Variants in NAPA observed in about 807,000 individuals in gnomAD.
NAPA encodes NSF attachment protein alpha.
A neutral mutation model predicts 48.0 loss-of-function variants in NAPA; 18 were observed. The ratio of observed to expected loss-of-function variants is 0.38; its 90% CI spans 0.26 to 0.56. The LOEUF is 0.56. Among genes scored for constraint, NAPA ranks in the 20% least tolerant of loss-of-function variants. The pLI is 0.77. For missense variants in NAPA, 315 were observed against 385.0 expected (o/e 0.82, Z 1.52); for synonymous variants, 152 against 149.9 (o/e 1.01, Z -0.10).
intron 8 of NAPA, 120 bp downstream of exon 8, chr19:47,491,895 G>A (rs1968275841): frequency 2.4e-6 from 2 of 849,790 alleles, no homozygotes; most frequent in East Asian, 5.1e-5. Context: ...TCCAAAGGCT[G>A]GCTGGCAGGG....
At chr19:47,484,979 C>T (rs538744559), downstream of NAPA, among the ~76,000 whole-genome samples, 108 of 152,252 alleles carry the variant, frequency 7.1e-4, no homozygotes, top group African/African-American at 2.4e-3. Flanking sequence ...GGATTATAGG[C>T]GTGAGCCCCC....
chr19:47,486,219 G>A (rs1427042492), downstream of NAPA, among the ~76,000 whole-genome samples: 2 of 152,126 alleles, frequency 1.3e-5, no homozygotes, highest in East Asian at 3.9e-4. Context: ...GCTGGGCGTG[G>A]TGGCGCACGC....
chr19:47,504,238 A>T (rs1352779159), intron 1 of NAPA, among the ~76,000 whole-genome samples: 1 of 151,990 alleles, frequency 6.6e-6, no homozygotes, highest in East Asian at 1.9e-4. Flanking sequence ...TACAAAAAAT[A>T]CAAAAAATTA....
intron 9 of NAPA, 60 bp downstream of exon 9, chr19:47,490,728 A>T: frequency 6.8e-7 from 1 of 1,466,066 alleles, no homozygotes. Context: ...TCCCACCTGG[A>T]GCCCCAGCCA....
At chr19:47,507,343 C>T (rs1968712343) in intron 1 of NAPA, among the ~76,000 whole-genome samples, 1 of 152,214 alleles carries the variant, frequency 6.6e-6, no homozygotes, top group South Asian at 2.1e-4. Context: ...TACACAGATG[C>T]CTGATGGGAC....
intron 3 of NAPA, chr19:47,495,841 G>C (rs902664108): frequency 3.7e-6 from 2 of 535,100 alleles, no homozygotes; most frequent in Admixed American, 3.1e-5. Context: ...ATGCTTCTGG[G>C]GGAGCCCTTC....
intron 3 of NAPA, chr19:47,495,890 C>A: frequency 2.3e-6 from 1 of 434,422 alleles, no homozygotes; most frequent in South Asian, 2.1e-5. Context: ...CTTCCCACAA[C>A]CCCAGGGACA....
chr19:47,505,533 C>T, intron 1 of NAPA: 1 of 152,232 alleles, frequency 6.6e-6, no homozygotes, highest in East Asian at 1.9e-4. Flanking sequence ...TCAGTAGGGT[C>T]TGGATGGGGC....
intron 8 of NAPA, 68 bp from the exon 9 acceptor site, chr19:47,490,924 C>CT: frequency 5.7e-6 from 8 of 1,412,948 alleles, no homozygotes; most frequent in Non-Finnish European, 7.9e-6. Flanking sequence ...GGCCTAGCAG[C>CT]TGAGGGGACT....
intron 2 of NAPA, among the ~76,000 whole-genome samples, chr19:47,502,017 C>A (rs550994442): frequency 2.0e-5 from 3 of 151,630 alleles, no homozygotes; most frequent in Admixed American, 2.0e-4. Flanking sequence ...CCGAGGTGGG[C>A]GGATCACGAG....
intron 8 of NAPA, 99 bp from the exon 9 acceptor site, chr19:47,490,955 G>T: frequency 1.9e-6 from 2 of 1,040,640 alleles, no homozygotes; most frequent in Non-Finnish European, 2.9e-6. Flanking sequence ...GGGTGATATT[G>T]AGTCAGCTCT....
chr19:47,490,174 G>C lies in NAPA; in HGVS notation c.736-413C>G, dbSNP rs556478654. ...TTCGGTGTGTGTGTGGGGTGTGTGT[G>C]GTGTGTGTAGTGTGTGTGCAATGTG... On this transcript the variant is annotated intron_variant, in intron 9 of 10. Coordinates refer to ENST00000263354, the MANE Select transcript of NAPA (RefSeq NM_003827.4). Among the ~76,000 whole-genome samples, 3 of 147,548 alleles carry C rather than the reference G, an allele frequency of 2.0e-5. No homozygotes were observed. In the East Asian group the frequency reaches 6.0e-4, roughly 30 times the overall value.
chr19:47,488,253 G>C lies in NAPA; in HGVS notation c.*35C>G. 1 of 1,571,352 alleles carries C rather than the reference G, an allele frequency of 6.4e-7. No individual in the cohort carries two copies. The highest frequency in any genetic ancestry group is 8.7e-7 in the Non-Finnish European group (1 of 1,145,594). On this transcript the variant is annotated 3_prime_UTR_variant, in exon 11 of 11. Transcript: ENST00000263354. ...GCCCCACCTCTCTCTGAGCAGATGGGACAGGAAGACGGGCACTGGGGGGCT... is the reference window on the plus strand; with the variant it reads ...GCCCCACCTCTCTCTGAGCAGATGGCACAGGAAGACGGGCACTGGGGGGCT...
downstream of NAPA, among the ~76,000 whole-genome samples, chr19:47,487,483 C>G (rs186910352): frequency 1.3e-5 from 2 of 152,144 alleles, no homozygotes; most frequent in Non-Finnish European, 2.9e-5. Context: ...GGGTCTCCCC[C>G]ACCTAGAAAC....
At chr19:47,508,252 G>T (rs1215426044) in intron 1 of NAPA, among the ~76,000 whole-genome samples, 2 of 152,206 alleles carry the variant, frequency 1.3e-5, no homozygotes, top group Non-Finnish European at 2.9e-5. Context: ...ACAGGGAGCC[G>T]GGGGCCACCA....
chr19:47,495,726 C>T (rs766760251), intron 3 of NAPA, 130 bp from the exon 4 acceptor site: 127 of 792,958 alleles, frequency 1.6e-4, no homozygotes, highest in Middle Eastern at 3.4e-4. Context: ...GAGCTGCCAG[C>T]GCTGCCACAC....
intron 3 of NAPA, 60 bp from the exon 4 acceptor site, chr19:47,495,656 G>A: frequency 1.3e-6 from 2 of 1,558,798 alleles, no homozygotes; most frequent in Non-Finnish European, 1.8e-6. Context: ...AGCAGAAGCT[G>A]AGGAGAGGAG....
chr19:47,505,101 C>A (rs1038804477), intron 1 of NAPA, among the ~76,000 whole-genome samples: 1 of 152,136 alleles, frequency 6.6e-6, no homozygotes, highest in African/African-American at 2.4e-5. Flanking sequence ...CCAGGCTTAG[C>A]CCGCGAGGTC....
chr19:47,497,071 A>T, intron 3 of NAPA: 1 of 270,418 alleles, frequency 3.7e-6, no homozygotes. Flanking sequence ...ACATCCTGTA[A>T]TCGGCGGACC....
Sources: allele counts gnomAD v4.1 joint callset (sites outside exome capture counted in the v4.1 genomes callset), GRCh38; gene constraint gnomAD v4.1.1; transcripts MANE v1.5; gene names NCBI Gene and HGNC (gene_info 2026-07-23, HGNC 2026-07-21).